Variants in RAB3GAP2 observed in about 807,000 individuals in gnomAD.
RAB3GAP2 encodes RAB3 GTPase activating non-catalytic protein subunit 2.
Under a neutral mutation model 185.3 loss-of-function variants are expected in RAB3GAP2, and 87 were observed. That is an observed-to-expected ratio of 0.47 (90% CI 0.39 to 0.56). The LOEUF (loss-of-function observed/expected upper bound fraction) is 0.56, where lower values mean the gene tolerates loss of function less well. Among genes scored for constraint, RAB3GAP2 ranks in the 20% least tolerant of loss-of-function variants. RAB3GAP2 has a pLI of 0.00. For synonymous variants in RAB3GAP2, 554 were observed against 576.1 expected (o/e 0.96, Z 0.55); for missense variants, 1,492 against 1,638.2 (o/e 0.91, Z 1.54).
intron 7 of RAB3GAP2, among the ~76,000 whole-genome samples, chr1:220,208,870 C>A (rs1057505176): frequency 6.6e-6 from 1 of 152,204 alleles, no homozygotes; most frequent in Non-Finnish European, 1.5e-5. Context: ...GCGCATGCCG[C>A]CATGCCCGGC....
chr1:220,157,185 G>A (rs112661172), intron 31 of RAB3GAP2, 85 bp downstream of exon 31: 11 of 1,186,156 alleles, frequency 9.3e-6, no homozygotes, highest in African/African-American at 7.5e-5. Flanking sequence ...CAAAAGTACT[G>A]GACAGCTTCT....
At position 220,150,374 on chromosome 1, in the gene RAB3GAP2, T is replaced by C. The variant is rs1471661160; in HGVS notation, c.*877A>G. On this transcript the variant is annotated 3_prime_UTR_variant, in exon 35 of 35. Coordinates refer to ENST00000358951, the MANE Select transcript of RAB3GAP2 (RefSeq NM_012414.4). ...CAATACTGTTCCCAAGGACAGATAATATTAGCAAATCCCAGAAGCATTTCT... is the reference window on the plus strand; with the variant it reads ...CAATACTGTTCCCAAGGACAGATAACATTAGCAAATCCCAGAAGCATTTCT... 6.6e-6 allele frequency: 1 copy of C among 152,146 alleles called. No individual in the cohort carries two copies. The highest frequency in any genetic ancestry group is 2.4e-5 in the African/African-American group (1 of 41,324). 9.4% of individuals were successfully genotyped at this position (152,146 alleles called of 1,614,324 possible).
At chr1:220,182,128 A>AT in intron 21 of RAB3GAP2, 129 bp downstream of exon 21, 3 of 1,476,230 alleles carry the variant, frequency 2.0e-6, no homozygotes, top group Non-Finnish European at 2.7e-6. Flanking sequence ...TTCTTTGATC[A>AT]TTTTTAGAAA....
chr1:220,159,989 C>T (rs1014443182), intron 28 of RAB3GAP2, among the ~76,000 whole-genome samples: 7 of 151,610 alleles, frequency 4.6e-5, no homozygotes, highest in African/African-American at 1.5e-4. Context: ...TGCACTCCAG[C>T]CCGGGCAACA....
chr1:220,232,968 T>C, intron 1 of RAB3GAP2, 105 bp from the exon 2 acceptor site: 1 of 889,940 alleles, frequency 1.1e-6, no homozygotes, highest in Non-Finnish European at 1.9e-6. Context: ...ATAATGCTGA[T>C]ATTAAGAAAG....
chr1:220,250,576 C>T (rs995301118), intron 1 of RAB3GAP2, among the ~76,000 whole-genome samples: 2 of 152,140 alleles, frequency 1.3e-5, no homozygotes, highest in African/African-American at 4.8e-5. Flanking sequence ...AATGTGAGGA[C>T]ATGAGATTTG....
chr1:220,162,781 A>C (rs1160615342), intron 27 of RAB3GAP2, among the ~76,000 whole-genome samples: 3 of 152,198 alleles, frequency 2.0e-5, no homozygotes, highest in Non-Finnish European at 4.4e-5. Context: ...TACAGAACAT[A>C]TGTATGAGAT....
chr1:220,219,372 A>G (rs1000058765), intron 2 of RAB3GAP2: 1 of 152,362 alleles, frequency 6.6e-6, no homozygotes, highest in East Asian at 1.9e-4. Flanking sequence ...AAGCTCTAAA[A>G]AGAATAAGTG....
intron 1 of RAB3GAP2, among the ~76,000 whole-genome samples, chr1:220,263,552 C>G (rs1274712408): frequency 6.6e-6 from 1 of 152,078 alleles, no homozygotes; most frequent in Non-Finnish European, 1.5e-5. Flanking sequence ...GCTGTCTTTT[C>G]CCCCAAAGAA....
At chr1:220,236,397 CAAACTCCT>C in intron 1 of RAB3GAP2, among the ~76,000 whole-genome samples, 1 of 152,222 alleles carries the variant, frequency 6.6e-6, no homozygotes, top group African/African-American at 2.4e-5. Context: ...AGGATGGTCT[CAAACTCCT>C]GAACTCGTGA....
At chr1:220,211,033 C>A in intron 4 of RAB3GAP2, 31 bp from the exon 5 acceptor site, 1 of 1,596,630 alleles carries the variant, frequency 6.3e-7, no homozygotes, top group Non-Finnish European at 8.6e-7. Flanking sequence ...ATATGCTTAC[C>A]CACTGAACTT....
chr1:220,212,207 C>A (rs2102881016), intron 4 of RAB3GAP2, among the ~76,000 whole-genome samples: 1 of 152,188 alleles, frequency 6.6e-6, no homozygotes, highest in African/African-American at 2.4e-5. Context: ...AGTACTGTAC[C>A]CTTCAAGTAT....
intron 1 of RAB3GAP2, among the ~76,000 whole-genome samples, chr1:220,246,003 C>T (rs115596943): frequency 0.069 from 10,483 of 152,116 alleles, 482 homozygotes; most frequent in South Asian, 0.12. Context: ...ACATCCACAC[C>T]GAAAATTTTC....
At chr1:220,181,553 A>AAT (rs1658404752) in intron 21 of RAB3GAP2, among the ~76,000 whole-genome samples, 2 of 152,172 alleles carry the variant, frequency 1.3e-5, no homozygotes, top group Admixed American at 1.3e-4. Context: ...ATTACATTAT[A>AAT]ATATATATTC....
At chr1:220,162,131 A>C in intron 28 of RAB3GAP2, 67 bp downstream of exon 28, 1 of 1,225,968 alleles carries the variant, frequency 8.2e-7, no homozygotes, top group Non-Finnish European at 1.2e-6. Context: ...AATGTGAACA[A>C]TCTTTCTAAT....
At chr1:220,260,145 T>G (rs946476218) in intron 1 of RAB3GAP2, among the ~76,000 whole-genome samples, 1 of 151,972 alleles carries the variant, frequency 6.6e-6, no homozygotes, top group Non-Finnish European at 1.5e-5. Flanking sequence ...TTGGTGGGAG[T>G]GTAAATTAGT....
At chr1:220,260,235 C>G (rs1034323142) in intron 1 of RAB3GAP2, among the ~76,000 whole-genome samples, 1 of 152,184 alleles carries the variant, frequency 6.6e-6, no homozygotes, top group African/African-American at 2.4e-5. Context: ...AATCCCATTA[C>G]TGGGTATATA....
chr1:220,176,278 G>A (rs1272795210), intron 21 of RAB3GAP2, among the ~76,000 whole-genome samples: 1 of 152,014 alleles, frequency 6.6e-6, no homozygotes, highest in East Asian at 1.9e-4. Flanking sequence ...ATATAAATAT[G>A]TTATATATTG....
At chr1:220,179,380 T>C (rs1658359567) in intron 21 of RAB3GAP2, among the ~76,000 whole-genome samples, 1 of 149,196 alleles carries the variant, frequency 6.7e-6, no homozygotes. Flanking sequence ...ATAAAGCAAA[T>C]ATTAATAGAT....
Sources: allele counts gnomAD v4.1 joint callset (sites outside exome capture counted in the v4.1 genomes callset), GRCh38; gene constraint gnomAD v4.1.1; transcripts MANE v1.5; gene names NCBI Gene and HGNC (gene_info 2026-07-23, HGNC 2026-07-21).